AGMO: variants seen among roughly 807,000 people sequenced by gnomAD.
AGMO encodes alkylglycerol monooxygenase.
AGMO carries 75 observed loss-of-function variants against 60.2 expected under a neutral mutation model. The observed-to-expected ratio is 1.25, with a 90% confidence interval of 1.03 to 1.51. The LOEUF is 1.51. AGMO is among the 40% of genes most tolerant of loss of function. AGMO has a pLI of 0.00. For missense variants in AGMO, 763 were observed against 525.5 expected, an observed-to-expected ratio of 1.45 and a Z score of -4.42; for synonymous variants, 261 against 177.1, an observed-to-expected ratio of 1.47 and a Z score of -3.76.
intron 5 of AGMO, among the ~76,000 whole-genome samples, chr7:15,418,016 A>T (rs1319403181): frequency 6.6e-6 from 1 of 152,156 alleles, no homozygotes; most frequent in Non-Finnish European, 1.5e-5. Context: ...ATGCCACGGA[A>T]GACTCTAAAA....
chr7:15,355,531 A>G (rs985294054), intron 12 of AGMO, among the ~76,000 whole-genome samples: 5 of 149,050 alleles, frequency 3.4e-5, no homozygotes, highest in African/African-American at 1.2e-4. Flanking sequence ...AAAAGAAGGT[A>G]AGATCATGGA....
At chr7:15,374,108 A>G (rs1026602773) in intron 10 of AGMO, among the ~76,000 whole-genome samples, 1 of 152,212 alleles carries the variant, frequency 6.6e-6, no homozygotes, top group Admixed American at 6.5e-5. Flanking sequence ...GTTACAACAT[A>G]AACACAAGAG....
chr7:15,465,175 G>C (rs1361814662), intron 3 of AGMO, among the ~76,000 whole-genome samples: 1 of 151,936 alleles, frequency 6.6e-6, no homozygotes, highest in African/African-American at 2.4e-5. Context: ...CTTTCGACAA[G>C]CTAAGGATTA....
intron 5 of AGMO, among the ~76,000 whole-genome samples, chr7:15,400,529 C>A (rs1251850465): frequency 6.6e-6 from 1 of 152,096 alleles, no homozygotes; most frequent in Admixed American, 6.6e-5. Context: ...TGTATAATTT[C>A]TGTGTTCTAA....
At chr7:15,198,956 T>C (rs971457919), downstream of AGMO, among the ~76,000 whole-genome samples, 11 of 152,136 alleles carry the variant, frequency 7.2e-5, no homozygotes, top group African/African-American at 1.9e-4. Flanking sequence ...TGTGGCTAAT[T>C]TGTTAGTCCC....
chr7:15,441,769 C>T (rs74958625), intron 3 of AGMO, among the ~76,000 whole-genome samples: 2,141 of 151,914 alleles, frequency 0.014, 49 homozygotes, highest in African/African-American at 0.05. Context: ...TGAAAGGAGA[C>T]GAACATAAGG....
intron 12 of AGMO, among the ~76,000 whole-genome samples, chr7:15,238,354 G>A (rs189112345): frequency 3.3e-5 from 5 of 151,756 alleles, no homozygotes; most frequent in East Asian, 3.9e-4. Flanking sequence ...AAAGTTCCAG[G>A]TGAAAATTAT....
intron 12 of AGMO, among the ~76,000 whole-genome samples, chr7:15,220,833 C>T (rs1394895898): frequency 6.6e-6 from 1 of 151,540 alleles, no homozygotes; most frequent in African/African-American, 2.4e-5. Flanking sequence ...AAAATCTGTC[C>T]CCTGAAATTA....
At chr7:15,329,324 C>T (rs1445960231) in intron 12 of AGMO, among the ~76,000 whole-genome samples, 1 of 152,074 alleles carries the variant, frequency 6.6e-6, no homozygotes, top group Non-Finnish European at 1.5e-5. Flanking sequence ...GTGGCAGAAA[C>T]AAGTTATGAA....
chr7:15,419,298 A>G (rs1198681514), intron 4 of AGMO, among the ~76,000 whole-genome samples: 1 of 151,976 alleles, frequency 6.6e-6, no homozygotes, highest in Admixed American at 6.6e-5. Flanking sequence ...TTATGATTAA[A>G]CCACAGAACT....
At chr7:15,312,844 T>C in intron 12 of AGMO, among the ~76,000 whole-genome samples, 1 of 152,018 alleles carries the variant, frequency 6.6e-6, no homozygotes, top group Admixed American at 6.6e-5. Context: ...AATTTTTATA[T>C]TTTTAGTAAA....
At chr7:15,196,355 G>A (rs960349475), downstream of AGMO, among the ~76,000 whole-genome samples, 2 of 152,006 alleles carry the variant, frequency 1.3e-5, no homozygotes, top group Admixed American at 6.6e-5. Flanking sequence ...GGCTGGCTCC[G>A]TTTCTTTTAA....
intron 12 of AGMO, among the ~76,000 whole-genome samples, chr7:15,350,669 G>A (rs1583440294): frequency 6.6e-6 from 1 of 152,150 alleles, no homozygotes; most frequent in East Asian, 1.9e-4. Flanking sequence ...CGCATTTAGG[G>A]AAAGCTGGCA....
chr7:15,310,673 G>C (rs1280409402), intron 12 of AGMO, among the ~76,000 whole-genome samples: 1 of 152,096 alleles, frequency 6.6e-6, no homozygotes, highest in Non-Finnish European at 1.5e-5. Context: ...GTAAGGCAGA[G>C]TATACTATTA....
chr7:15,430,605 A>ATTTT (rs1562503085), intron 4 of AGMO, among the ~76,000 whole-genome samples: 1 of 122,426 alleles, frequency 8.2e-6, no homozygotes, highest in African/African-American at 3.1e-5. Context: ...GTTTTTTTTA[A>ATTTT]AAAAAAAAAA....
At chr7:15,462,645 A>T (rs756486440) in intron 3 of AGMO, among the ~76,000 whole-genome samples, 4 of 152,206 alleles carry the variant, frequency 2.6e-5, no homozygotes, top group African/African-American at 4.8e-5. Context: ...TGGTTCACTC[A>T]CAACAAAAAG....
intron 12 of AGMO, among the ~76,000 whole-genome samples, chr7:15,286,704 C>G (rs1042137943): frequency 6.6e-6 from 1 of 152,042 alleles, no homozygotes; most frequent in Non-Finnish European, 1.5e-5. Context: ...AGCATTGTAT[C>G]CAGCAATCCC....
intron 3 of AGMO, among the ~76,000 whole-genome samples, chr7:15,459,591 A>ATGTGTG (rs5882510): frequency 1.5e-4 from 2 of 13,248 alleles, no homozygotes; most frequent in Non-Finnish European, 5.0e-4. Context: ...AAATGTGTGT[A>ATGTGTG]TGTGCGTTTG....
At chr7:15,428,778 G>C (rs35202252) in intron 4 of AGMO, among the ~76,000 whole-genome samples, 78,806 of 151,844 alleles carry the variant, frequency 0.52, 20,548 homozygotes, top group Middle Eastern at 0.65. Context: ...GATTTCCCCA[G>C]AGCAACTTCA....
Sources: allele counts gnomAD v4.1 joint callset (sites outside exome capture counted in the v4.1 genomes callset), GRCh38; gene constraint gnomAD v4.1.1; transcripts MANE v1.5; gene names NCBI Gene and HGNC (gene_info 2026-07-23, HGNC 2026-07-21).